ANO3: variants seen among roughly 807,000 people sequenced by gnomAD.
ANO3 encodes anoctamin 3.
A neutral mutation model predicts 144.8 loss-of-function variants in ANO3; 99 were observed. That is an observed-to-expected ratio of 0.68 (90% confidence interval 0.58 to 0.81). The LOEUF (loss-of-function observed/expected upper bound fraction) is 0.81, where lower values mean the gene tolerates loss of function less well. Among genes scored for constraint, ANO3 ranks in the 30% least tolerant of loss-of-function variants. The pLI is 0.00. For synonymous variants in ANO3, 414 were observed against 392.6 expected (o/e 1.05, Z -0.64); for missense variants, 905 against 1,202.2 (o/e 0.75, Z 3.66).
At chr11:26,586,599 T>C (rs1851292128) in intron 14 of ANO3, among the ~76,000 whole-genome samples, 1 of 147,624 alleles carries the variant, frequency 6.8e-6, no homozygotes, top group Non-Finnish European at 1.5e-5. Flanking sequence ...GCCTCCCATG[T>C]TCACGCCATT....
intron 1 of ANO3, among the ~76,000 whole-genome samples, chr11:26,316,891 A>G (rs972227927): frequency 1.3e-5 from 2 of 152,200 alleles, no homozygotes; most frequent in Non-Finnish European, 2.9e-5. Flanking sequence ...CCAACCTTGC[A>G]TTGTCTTTAC....
intron 14 of ANO3, among the ~76,000 whole-genome samples, chr11:26,574,928 A>G (rs1850948068): frequency 1.3e-5 from 2 of 152,230 alleles, no homozygotes; most frequent in East Asian, 3.9e-4. Context: ...ACATACATAA[A>G]TGGTGAGCTA....
In ANO3 at chr11:26,450,493, C is replaced by G. The variant is rs369751559; in HGVS notation, c.313+6657C>G. 9.9e-5 allele frequency among the ~76,000 whole-genome samples: 15 copies of G among 152,250 alleles called. No individual in the cohort carries two copies. The South Asian group carries it at 2.1e-3, about 21-fold the overall frequency. On this transcript the variant is annotated intron_variant, in intron 3 of 26. Coordinates refer to ENST00000256737, the MANE Select transcript of ANO3 (RefSeq NM_031418.4). ...TTGTTACTGTGTCCTAACCACAGAG[C>G]AAGCCATGTATGGACCATTCATGAA...
chr11:26,444,299 AGCAAGCTTT>A (rs1489570179), intron 3 of ANO3, among the ~76,000 whole-genome samples: 1 of 152,146 alleles, frequency 6.6e-6, no homozygotes, highest in Non-Finnish European at 1.5e-5. Flanking sequence ...GCTTCAGTTG[AGCAAGCTTT>A]GCATTCAAAT....
At chr11:26,538,537 A>T (rs1329891318) in intron 10 of ANO3, among the ~76,000 whole-genome samples, 1 of 152,168 alleles carries the variant, frequency 6.6e-6, no homozygotes, top group Non-Finnish European at 1.5e-5. Context: ...ATAGCACATA[A>T]TAAATGGTAA....
intron 1 of ANO3, among the ~76,000 whole-genome samples, chr11:26,366,997 G>T (rs1007175006): frequency 6.6e-6 from 1 of 152,134 alleles, no homozygotes; most frequent in Non-Finnish European, 1.5e-5. Context: ...ACAAAAACAA[G>T]AAATGGGGAA....
intron 9 of ANO3, among the ~76,000 whole-genome samples, chr11:26,535,708 G>A (rs1452078662): frequency 6.7e-6 from 1 of 150,320 alleles, no homozygotes; most frequent in Non-Finnish European, 1.5e-5. Flanking sequence ...TCAGCCTCCC[G>A]AGTGGCTGGA....
At chr11:26,646,281 C>G (rs1403267357) in intron 23 of ANO3, among the ~76,000 whole-genome samples, 1 of 151,906 alleles carries the variant, frequency 6.6e-6, no homozygotes, top group Non-Finnish European at 1.5e-5. Context: ...AATTTTATAA[C>G]CATTTACTTA....
At chr11:26,487,274 C>T (rs1167977880) in intron 4 of ANO3, among the ~76,000 whole-genome samples, 1 of 152,150 alleles carries the variant, frequency 6.6e-6, no homozygotes, top group African/African-American at 2.4e-5. Flanking sequence ...ATGGGCTTGT[C>T]AGGGGTTTCC....
At chr11:26,419,555 G>T (rs1222104005) in intron 1 of ANO3, among the ~76,000 whole-genome samples, 1 of 151,862 alleles carries the variant, frequency 6.6e-6, no homozygotes, top group Admixed American at 6.6e-5. Context: ...TATTCATTTG[G>T]ATACTGTCTA....
At chr11:26,346,171 TAC>T (rs1855491557) in intron 1 of ANO3, among the ~76,000 whole-genome samples, 1 of 152,184 alleles carries the variant, frequency 6.6e-6, no homozygotes, top group African/African-American at 2.4e-5. Flanking sequence ...ACATAGCTAA[TAC>T]ATGGAAAACA....
At chr11:26,191,283 GAA>G (rs1336889521) in intron 1 of ANO3, among the ~76,000 whole-genome samples, 2 of 135,482 alleles carry the variant, frequency 1.5e-5, no homozygotes, top group Admixed American at 1.5e-4. Flanking sequence ...CATCAAAAAA[GAA>G]AAAAAAACAC....
chr11:26,429,291 A>AC (rs1858010133), intron 1 of ANO3, among the ~76,000 whole-genome samples: 1 of 152,058 alleles, frequency 6.6e-6, no homozygotes, highest in African/African-American at 2.4e-5. Context: ...CAGAAAGCAA[A>AC]CCCGTTTCTT....
chr11:26,488,118 A>T (rs939457662), intron 4 of ANO3, among the ~76,000 whole-genome samples: 22 of 152,150 alleles, frequency 1.4e-4, no homozygotes, highest in Non-Finnish European at 2.6e-4. Context: ...GTGAGCTGAG[A>T]TTGCACCACT....
At chr11:26,366,048 G>A (rs1856072578) in intron 1 of ANO3, among the ~76,000 whole-genome samples, 2 of 147,806 alleles carry the variant, frequency 1.4e-5, no homozygotes, top group African/African-American at 5.0e-5. Flanking sequence ...ATAACGTGCA[G>A]GTTTGTTACA....
intron 1 of ANO3, among the ~76,000 whole-genome samples, chr11:26,286,515 C>G (rs1442597257): frequency 6.6e-6 from 1 of 152,144 alleles, no homozygotes; most frequent in Admixed American, 6.5e-5. Flanking sequence ...AATGTATGAC[C>G]AATTGTATAA....
chr11:26,655,474 G>A (rs986779317), intron 24 of ANO3, among the ~76,000 whole-genome samples: 9 of 152,046 alleles, frequency 5.9e-5, no homozygotes, highest in African/African-American at 1.7e-4. Flanking sequence ...TTTTGTTACC[G>A]TAGGAATGCT....
chr11:26,417,882 T>C (rs1857637845), intron 1 of ANO3, among the ~76,000 whole-genome samples: 1 of 152,098 alleles, frequency 6.6e-6, no homozygotes, highest in Admixed American at 6.6e-5. Context: ...CATTATATTC[T>C]ACCTTTACTA....
At chr11:26,273,245 T>TA (rs1564943529) in intron 1 of ANO3, among the ~76,000 whole-genome samples, 1 of 137,746 alleles carries the variant, frequency 7.3e-6, no homozygotes, top group East Asian at 2.0e-4. Flanking sequence ...TTTTTTTTTT[T>TA]ATATTGGACA....
Sources: allele counts gnomAD v4.1 joint callset (sites outside exome capture counted in the v4.1 genomes callset), GRCh38; gene constraint gnomAD v4.1.1; transcripts MANE v1.5; gene names NCBI Gene and HGNC (gene_info 2026-07-23, HGNC 2026-07-21).